SCARB1: variants seen among roughly 807,000 people sequenced by gnomAD.
SCARB1 encodes CD36 and LIMPII analogous 1.
Under a neutral mutation model 57.2 loss-of-function variants are expected in SCARB1, and 30 were observed. The ratio of observed to expected loss-of-function variants is 0.52; its 90% CI spans 0.39 to 0.71. The LOEUF (loss-of-function observed/expected upper bound fraction) is 0.71. SCARB1 is among the 30% of genes least tolerant of loss of function. The probability of loss-of-function intolerance (pLI) is 0.00; values close to 1 mark genes in which losing one functional copy is unlikely to be tolerated. For synonymous variants in SCARB1, 249 were observed against 268.3 expected (o/e 0.93, Z 0.70); for missense variants, 543 against 671.2 (o/e 0.81, Z 2.11).
intron 1 of SCARB1, among the ~76,000 whole-genome samples, chr12:124,828,176 C>A (rs1222230441): frequency 3.3e-5 from 5 of 151,716 alleles, no homozygotes; most frequent in African/African-American, 4.8e-5. Context: ...GCCGGGGCAA[C>A]AACTCGGTAA....
chr12:124,814,253 C>T lies in SCARB1; in HGVS notation c.579G>A (p.Lys193=). ...TGAAGGGGAACATGCCTGGAAAGTA[C>T]TTGTTGATGAGATTCACAAGGGGGT... ...YKDPLVNLIN[K]YFPGMFPFKD... Residue 193 remains lysine, a synonymous_variant, in exon 4 of 13, where the codon AAG becomes AAA. Coordinates refer to ENST00000261693, the MANE Select transcript of SCARB1 (RefSeq NM_005505.5). This position sits in a 1 kb window ranked among gnomAD's most constrained non-coding sequence, Gnocchi z 4.7. 3 of 1,614,228 alleles carry T rather than the reference C, an allele frequency of 1.9e-6. No homozygotes were observed. Among genetic ancestry groups the T allele is most frequent in the Non-Finnish European group, 1.7e-6 (2 of 1,180,052 alleles).
chr12:124,786,344 G>T lies in SCARB1; in HGVS notation c.1401+13C>A. On this transcript the variant is annotated intron_variant, in intron 11 of 12. Coordinates refer to ENST00000261693, the MANE Select transcript of SCARB1 (RefSeq NM_005505.5). ...TGGCTGTCAGCCCGGGCTGCCCTCTGGCCAGCACCTACTTGGCTCCGGATT... is the reference window on the plus strand; with the variant it reads ...TGGCTGTCAGCCCGGGCTGCCCTCTTGCCAGCACCTACTTGGCTCCGGATT... 6.2e-7 allele frequency: 1 copy of T among 1,613,402 alleles called. No homozygotes were observed. Among genetic ancestry groups the T allele is most frequent in the Non-Finnish European group, 8.5e-7 (1 of 1,180,024 alleles).
intron 9 of SCARB1, among the ~76,000 whole-genome samples, chr12:124,792,289 C>T (rs996991192): frequency 2.4e-4 from 36 of 152,120 alleles, no homozygotes; most frequent in Admixed American, 1.7e-3. Flanking sequence ...CCTCGTGGCC[C>T]TCCACATCTG....
At position 124,817,766 on chromosome 12, in the gene SCARB1, C is replaced by CGGA; in HGVS notation, c.127-60_127-59insTCC. 6.3e-7 allele frequency: 1 copy of CGGA among 1,591,874 alleles called. No homozygotes were observed. Among genetic ancestry groups the CGGA allele is most frequent in the African/African-American group, 1.3e-5 (1 of 74,588 alleles). ...GAGTGATGAGGGCCCCACGCCCCAC[C>CGGA]ACAAGGCTCCGGAACAGCTGCCCGA... On this transcript the variant is annotated intron_variant, in intron 1 of 12. Transcript: ENST00000261693. The surrounding 1 kb of genome is among the most constrained non-coding windows in gnomAD (Gnocchi z 4.8).
chr12:124,806,895 C>G (rs1950342940), intron 7 of SCARB1, among the ~76,000 whole-genome samples: 1 of 151,850 alleles, frequency 6.6e-6, no homozygotes, highest in Non-Finnish European at 1.5e-5. Context: ...AGAGTGATAC[C>G]TTGTCTCAAA....
Position 124,815,022 on chromosome 12 carries a change from G to T in SCARB1, c.377C>A (p.Ser126Tyr). The change falls in exon 3 of 13, where the codon TCC (serine) becomes TAC (tyrosine). Residue 126 changes from serine (S) to tyrosine (Y), a missense_variant. Coordinates refer to ENST00000261693, the MANE Select transcript of SCARB1 (RefSeq NM_005505.5). Reference protein sequence around the residue: ...YRTFQFQPSKSHGSESDYIVM... With the variant: ...YRTFQFQPSKYHGSESDYIVM... ...GATGTAGTCGCTCTCCGAGCCGTGGGACTTGGAGGGCTGGAACTGGAAGGT... is the reference window on the plus strand; with the variant it reads ...GATGTAGTCGCTCTCCGAGCCGTGGTACTTGGAGGGCTGGAACTGGAAGGT... 6.2e-7 allele frequency: 1 copy of T among 1,614,234 alleles called. No individual in the cohort carries two copies. Among genetic ancestry groups the T allele is most frequent in the Non-Finnish European group, 8.5e-7 (1 of 1,180,044 alleles).
intron 1 of SCARB1, among the ~76,000 whole-genome samples, chr12:124,863,218 T>TTA: frequency 6.6e-6 from 1 of 151,944 alleles, no homozygotes; most frequent in African/African-American, 2.4e-5. Flanking sequence ...AAGCAGACGT[T>TTA]CACACACTCT....
chr12:124,807,761 T>G lies in SCARB1; in HGVS notation c.1009A>C (p.Ser337Arg). The G allele has an allele frequency of 6.2e-7, 1 of 1,614,082 alleles. No individual in the cohort carries two copies. The highest frequency in any genetic ancestry group is 8.5e-7 in the Non-Finnish European group (1 of 1,179,990). ...TCCCAGCACAGGGGACGGCACGTAC[T>G]GAACCTGCAGGTGCTGACGTTCTGA... ...GIQNVSTCRF[S>R]APLFLSHPHF... is the part of the protein sequence containing the mutation. The change falls in exon 7 of 13, where the codon AGT becomes CGT. Residue 337 changes from serine to arginine, a missense_variant and splice_region_variant. Ser to Arg is a moderately radical substitution (Grantham distance 110). Coordinates refer to ENST00000261693, the MANE Select transcript of SCARB1 (RefSeq NM_005505.5). This position sits in a 1 kb window ranked among gnomAD's most constrained non-coding sequence, Gnocchi z 5.3.
rs143569090 is a variant in SCARB1, at chr12:124,807,622, C to T, written c.1009+139G>A. 2,634 of 787,128 alleles carry T rather than the reference C, an allele frequency of 3.3e-3. 30 individuals carry two copies. Among genetic ancestry groups the T allele is most frequent in the Middle Eastern group, 0.021 (57 of 2,686 alleles). The allele number at this position is 787,128 out of a possible 1,614,324, so 48.8% of individuals were successfully genotyped here. On this transcript the variant is annotated intron_variant, in intron 7 of 12. Transcript: ENST00000261693. This position sits in a 1 kb window ranked among gnomAD's most constrained non-coding sequence, Gnocchi z 5.3. Reference sequence around the variant, plus strand: ...TCTTCCTTTTCAGATTATCTTCCTGCGGCCTCATTATCTTCGCCTAATGGG... The same window carrying T: ...TCTTCCTTTTCAGATTATCTTCCTGTGGCCTCATTATCTTCGCCTAATGGG...
At position 124,814,940 on chromosome 12, in the gene SCARB1, T is replaced by A. The variant is rs1269830470; in HGVS notation, c.426+33A>T. On this transcript the variant is annotated intron_variant, in intron 3 of 12. Transcript: ENST00000261693. The surrounding 1 kb of genome is among the most constrained non-coding windows in gnomAD (Gnocchi z 4.7). ...GGAGAGACAGGGGACGAGGTCAGGGTGCGAGGCGGCGTGGGCCACAGGGCA... is the reference window on the plus strand; with the variant it reads ...GGAGAGACAGGGGACGAGGTCAGGGAGCGAGGCGGCGTGGGCCACAGGGCA... 6.2e-7 allele frequency: 1 copy of A among 1,613,334 alleles called. No individual in the cohort carries two copies. Among genetic ancestry groups the A allele is most frequent in the Non-Finnish European group, 8.5e-7 (1 of 1,179,798 alleles).
rs183177058 is a variant in SCARB1 at position 124,813,089 on chromosome 12, C to T, written c.630+1113G>A. Reference sequence around the variant, plus strand: ...CTCTCCTTACTCTTTCATACAAAACCCAAACCATACTCAGAGCATCAGCAC... The same window carrying T: ...CTCTCCTTACTCTTTCATACAAAACTCAAACCATACTCAGAGCATCAGCAC... On this transcript the variant is annotated intron_variant, in intron 4 of 12. Coordinates refer to ENST00000261693, the MANE Select transcript of SCARB1 (RefSeq NM_005505.5). Among the ~76,000 whole-genome samples, 35 of 152,220 alleles carry T rather than the reference C, an allele frequency of 2.3e-4. No homozygotes were observed. The East Asian group carries it at 6.0e-3, about 26-fold the overall frequency.
chr12:124,847,370 G>A (rs1177557691), intron 1 of SCARB1, among the ~76,000 whole-genome samples: 4 of 152,220 alleles, frequency 2.6e-5, no homozygotes, highest in Non-Finnish European at 5.9e-5. Flanking sequence ...CCTGCCAGGA[G>A]GCCAGACAGG....
intron 6 of SCARB1, among the ~76,000 whole-genome samples, chr12:124,808,657 C>T (rs2135646242): frequency 6.6e-6 from 1 of 152,276 alleles, no homozygotes; most frequent in East Asian, 1.9e-4. Flanking sequence ...TCCATCCATT[C>T]ATGCTCCTGT....
chr12:124,814,482 C>G lies in SCARB1; in HGVS notation c.427-77G>C. ...CTCCCTTGGCCCCAGCTGGGCCTCA[C>G]AGCAAAGAGCCCATGAAGGGAAATG... On this transcript the variant is annotated intron_variant, in intron 3 of 12. Transcript: ENST00000261693. The surrounding 1 kb of genome is among the most constrained non-coding windows in gnomAD (Gnocchi z 4.7). 1 of 1,456,092 alleles carries G rather than the reference C, an allele frequency of 6.9e-7. No homozygotes were observed. Among genetic ancestry groups the G allele is most frequent in the Non-Finnish European group, 9.6e-7 (1 of 1,041,292 alleles). The allele number at this position is 1,456,092 out of a possible 1,614,324, so 90.2% of individuals were successfully genotyped here. A position where few individuals can be genotyped will look rare whatever the true frequency, so the allele number is the denominator to read the frequency against.
chr12:124,848,445 AAC>A (rs1272879309), intron 1 of SCARB1, among the ~76,000 whole-genome samples: 1 of 152,232 alleles, frequency 6.6e-6, no homozygotes, highest in Non-Finnish European at 1.5e-5. Context: ...AGGGAATCTG[AAC>A]ACAGACTGTC....
At chr12:124,820,119 T>C (rs1186072522) in intron 1 of SCARB1, among the ~76,000 whole-genome samples, 4 of 152,116 alleles carry the variant, frequency 2.6e-5, no homozygotes, top group African/African-American at 9.7e-5. Flanking sequence ...ACCAGAAGGA[T>C]CACCTTATGG....
At position 124,791,870 on chromosome 12, in the gene SCARB1, C is replaced by T. The variant is rs548463106; in HGVS notation, c.1202+3325G>A. ...ACGCGGGAGGCTGAGGCAGGAGAATCGCTTGAACCCGAGGCGGAGGTTGCA... is the reference window on the plus strand; with the variant it reads ...ACGCGGGAGGCTGAGGCAGGAGAATTGCTTGAACCCGAGGCGGAGGTTGCA... On this transcript the variant is annotated intron_variant, in intron 9 of 12. Coordinates refer to ENST00000261693, the MANE Select transcript of SCARB1 (RefSeq NM_005505.5). Among the ~76,000 whole-genome samples, 27 of 152,000 alleles carry T rather than the reference C, an allele frequency of 1.8e-4. 1 individual carries two copies. The South Asian group carries it at 5.0e-3, about 28-fold the overall frequency.
intron 1 of SCARB1, among the ~76,000 whole-genome samples, chr12:124,861,955 C>T (rs1008910856): frequency 2.0e-5 from 3 of 152,204 alleles, no homozygotes; most frequent in Non-Finnish European, 4.4e-5. Context: ...AAATAAGCCC[C>T]CGAATAACTG....
Position 124,796,191 on chromosome 12 carries a change from C to T in SCARB1, c.1129-923G>A, listed in dbSNP as rs542911538. Among the ~76,000 whole-genome samples the T allele has an allele frequency of 6.6e-5, 10 of 152,278 alleles. No individual in the cohort carries two copies. The South Asian group carries it at 8.3e-4, about 13-fold the overall frequency. ...CTGGTCTCAAACTCCTGGCAGCAAGCGAACTGCCCACCTTGGCCTCCCAAA... is the reference window on the plus strand; with the variant it reads ...CTGGTCTCAAACTCCTGGCAGCAAGTGAACTGCCCACCTTGGCCTCCCAAA... On this transcript the variant is annotated intron_variant, in intron 8 of 12. Transcript: ENST00000261693. The surrounding 1 kb of genome is among the most constrained non-coding windows in gnomAD (Gnocchi z 4.0).
Sources: gnomAD v4.1 joint callset for allele counts (sites outside exome capture counted in the v4.1 genomes callset) on GRCh38, gnomAD v4.1.1 for gene constraint, Gnocchi (gnomAD v3.1) non-coding constraint, MANE v1.5 for transcripts, NCBI Gene and HGNC (gene_info 2026-07-23, HGNC 2026-07-21) for gene names.